Variants in NCKAP1 observed in about 807,000 individuals in gnomAD.
NCKAP1 encodes nck-associated protein 1.
In NCKAP1, 21 loss-of-function variants were observed where a neutral mutation model predicts 151.2. The observed-to-expected ratio is 0.14, with a 90% confidence interval of 0.10 to 0.20. The LOEUF (loss-of-function observed/expected upper bound fraction) is 0.20. Among genes scored for constraint, NCKAP1 ranks in the 10% least tolerant of loss-of-function variants. The probability of loss-of-function intolerance (pLI) is 1.00; values close to 1 mark genes in which losing one functional copy is unlikely to be tolerated. For synonymous variants in NCKAP1, 484 were observed against 451.8 expected, an observed-to-expected ratio of 1.07 and a Z score of -0.90; for missense variants, 933 against 1,352.1, an observed-to-expected ratio of 0.69 and a Z score of 4.86.
rs1031347682 is a variant in NCKAP1, at chr2:182,920,933, A to G, written c.*4769T>C. On this transcript the variant is annotated 3_prime_UTR_variant, in exon 31 of 31. Coordinates refer to ENST00000361354, the MANE Select transcript of NCKAP1 (RefSeq NM_013436.5). ...AATGAAAGTAAACAAGGGCAACATT[A>G]TCTTAGGTTTGTCTCTGAAAACATT... 1 of 152,196 alleles carries G rather than the reference A, an allele frequency of 6.6e-6. No individual in the cohort carries two copies. Among genetic ancestry groups the G allele is most frequent in the African/African-American group, 2.4e-5 (1 of 41,464 alleles). The allele number at this position is 152,196 out of a possible 1,614,324, so 9.4% of individuals were successfully genotyped here.
chr2:182,950,865 C>T (rs563361044), intron 23 of NCKAP1, among the ~76,000 whole-genome samples: 25 of 152,204 alleles, frequency 1.6e-4, no homozygotes, highest in Non-Finnish European at 2.8e-4. Flanking sequence ...CAGAGTCTCA[C>T]TCTGTCATGC....
chr2:182,985,531 G>A (rs927247208), intron 10 of NCKAP1, among the ~76,000 whole-genome samples: 2 of 150,824 alleles, frequency 1.3e-5, no homozygotes, highest in Non-Finnish European at 2.9e-5. Flanking sequence ...TGCCGGGCAC[G>A]GTGGCTCATG....
chr2:182,955,665 C>G (rs920297669), intron 20 of NCKAP1, among the ~76,000 whole-genome samples: 4 of 152,170 alleles, frequency 2.6e-5, no homozygotes, highest in African/African-American at 9.7e-5. Context: ...TGACCTACTG[C>G]ATGACACGCA....
intron 13 of NCKAP1, among the ~76,000 whole-genome samples, chr2:182,980,277 C>T (rs767250530): frequency 2.0e-5 from 3 of 151,788 alleles, no homozygotes; most frequent in Admixed American, 6.6e-5. Flanking sequence ...GTTTAGAATA[C>T]TAGCTTGTAA....
At position 182,928,886 on chromosome 2, in the gene NCKAP1, T is replaced by C; in HGVS notation, c.2967A>G (p.Pro989=). 6.2e-7 allele frequency: 1 copy of C among 1,604,476 alleles called. No individual in the cohort carries two copies. Among genetic ancestry groups the C allele is most frequent in the Non-Finnish European group, 8.5e-7 (1 of 1,174,322 alleles). ...LSSQKSENIS[P]EEEYKIACLL... is the part of the protein sequence containing the mutation. ...GGCAGGCAATTTTATACTCTTCTTC[T>C]GGACTAATGTTTTCTAAGAGACAAA... is the stretch of plus-strand genomic sequence containing the variant. Residue 989 remains proline (P), a synonymous_variant, in exon 28 of 31, where the codon CCA becomes CCG. Transcript: ENST00000361354.
chr2:182,995,513 T>C (rs1454518740), intron 7 of NCKAP1, among the ~76,000 whole-genome samples, 188 bp downstream of exon 7: 1 of 152,208 alleles, frequency 6.6e-6, no homozygotes, highest in Non-Finnish European at 1.5e-5. Context: ...TATTAATTTA[T>C]CACCAGTTTT....
intron 12 of NCKAP1, among the ~76,000 whole-genome samples, chr2:182,981,647 G>A (rs1276971137): frequency 1.3e-5 from 2 of 151,918 alleles, no homozygotes; most frequent in East Asian, 1.9e-4. Flanking sequence ...AGTGGCTCAC[G>A]ACTGTAATTA....
At chr2:182,956,434 A>G in intron 20 of NCKAP1, 28 bp downstream of exon 20, 1 of 1,600,332 alleles carries the variant, frequency 6.2e-7, no homozygotes, top group Non-Finnish European at 8.5e-7. Flanking sequence ...TGAGTCAACA[A>G]ACAAAAACAG....
rs1360473095 is a variant in NCKAP1, at chr2:182,942,063, T to C, written c.2695+7A>G. The C allele has an allele frequency of 6.3e-7, 1 of 1,597,992 alleles. No individual in the cohort carries two copies. The highest frequency in any genetic ancestry group is 2.2e-5 in the East Asian group (1 of 44,766). On this transcript the variant is annotated splice_region_variant and intron_variant, in intron 24 of 30. Coordinates refer to ENST00000361354, the MANE Select transcript of NCKAP1 (RefSeq NM_013436.5). ...TATGTTTATAAAAAGTATCATGAGT[T>C]ACCCACATGATAATCTTTTAAACAG...
rs1327698045 is a variant in NCKAP1, at chr2:182,933,852, G to A, written c.2859+900C>T. ...ATGTGTCAGCTTAGAAAACACAAAT[G>A]TAAACCCCGATATATCACTTACTAG... On this transcript the variant is annotated intron_variant, in intron 26 of 30. Coordinates refer to ENST00000361354, the MANE Select transcript of NCKAP1 (RefSeq NM_013436.5). Among the ~76,000 whole-genome samples, 5 of 152,012 alleles carry A rather than the reference G, an allele frequency of 3.3e-5. No homozygotes were observed. In the South Asian group the frequency reaches 8.3e-4, roughly 25 times the overall value.
chr2:182,933,793 A>G (rs1696814820), intron 26 of NCKAP1, among the ~76,000 whole-genome samples: 1 of 152,124 alleles, frequency 6.6e-6, no homozygotes, highest in Admixed American at 6.6e-5. Flanking sequence ...GGTGTTTTTC[A>G]AGATATGTGA....
At chr2:182,962,056 T>C (rs1697465579) in intron 18 of NCKAP1, 103 bp downstream of exon 18, 8 of 1,191,818 alleles carry the variant, frequency 6.7e-6, no homozygotes, top group African/African-American at 1.5e-5. Flanking sequence ...TTACTAATAG[T>C]GTGGGAACTA....
intron 2 of NCKAP1, among the ~76,000 whole-genome samples, chr2:183,019,111 TC>T (rs894653182): frequency 4.6e-5 from 7 of 152,302 alleles, no homozygotes; most frequent in Admixed American, 4.6e-4. Context: ...CCTATATCAC[TC>T]CTGTGGCACT....
chr2:182,959,522 T>C (rs1348748467), intron 18 of NCKAP1, among the ~76,000 whole-genome samples: 1 of 152,170 alleles, frequency 6.6e-6, no homozygotes, highest in African/African-American at 2.4e-5. Flanking sequence ...AAAAGGCCTT[T>C]GACAAAATTC....
intron 15 of NCKAP1, among the ~76,000 whole-genome samples, chr2:182,974,171 T>C (rs1017784457): frequency 6.6e-5 from 10 of 151,802 alleles, no homozygotes; most frequent in African/African-American, 2.4e-4. Flanking sequence ...TACCTTGCAC[T>C]TTTGTTCTCT....
In NCKAP1 at chr2:182,913,160, G is replaced by C. The variant is rs1403480380; in HGVS notation, c.*12542C>G. ...TCTCCTCCACTATATTATAAGCTCT[G>C]TGACATCAAGGACCAAATCTGGTTC... On this transcript the variant is annotated 3_prime_UTR_variant, in exon 31 of 31. Coordinates refer to ENST00000361354, the MANE Select transcript of NCKAP1 (RefSeq NM_013436.5). 2 of 152,222 alleles carry C rather than the reference G, an allele frequency of 1.3e-5. No homozygotes were observed. Among genetic ancestry groups the C allele is most frequent in the African/African-American group, 4.8e-5 (2 of 41,466 alleles). The allele number at this position is 152,222 out of a possible 1,614,324, so 9.4% of individuals were successfully genotyped here. A position where few individuals can be genotyped will look rare whatever the true frequency, so the allele number is the denominator to read the frequency against.
chr2:182,994,951 C>T, intron 7 of NCKAP1, 64 bp from the exon 8 acceptor site: 1 of 1,277,970 alleles, frequency 7.8e-7, no homozygotes, highest in Non-Finnish European at 1.1e-6. Flanking sequence ...CATATTGAGC[C>T]ACTCTCCTCC....
intron 2 of NCKAP1, among the ~76,000 whole-genome samples, chr2:183,007,096 T>G (rs947193569): frequency 6.6e-6 from 1 of 152,084 alleles, no homozygotes; most frequent in African/African-American, 2.4e-5. Context: ...TGGTCTCAAA[T>G]TCCTAATCTT....
intron 2 of NCKAP1, among the ~76,000 whole-genome samples, chr2:183,023,512 A>C (rs1416257371): frequency 6.6e-6 from 1 of 152,162 alleles, no homozygotes; most frequent in Non-Finnish European, 1.5e-5. Flanking sequence ...AAGTATCCAC[A>C]CAAGAATTTG....
Sources: allele counts gnomAD v4.1 joint callset (sites outside exome capture counted in the v4.1 genomes callset), GRCh38; gene constraint gnomAD v4.1.1; transcripts MANE v1.5; gene names NCBI Gene and HGNC (gene_info 2026-07-23, HGNC 2026-07-21).